Variants in GGH observed in about 807,000 individuals in gnomAD.
GGH encodes the protein gamma-Glu-X carboxypeptidase.
Under a neutral mutation model 39.2 loss-of-function variants are expected in GGH, and 18 were observed. The observed-to-expected ratio is 0.46, with a 90% CI of 0.32 to 0.68. The LOEUF is 0.68. GGH is among the 30% of genes least tolerant of loss of function. The pLI, the probability that GGH is intolerant of heterozygous loss-of-function variation, is 0.04. For synonymous variants in GGH, 147 were observed against 138.8 expected, an observed-to-expected ratio of 1.06 and a Z score of -0.42; for missense variants, 367 against 384.1, an observed-to-expected ratio of 0.96 and a Z score of 0.37.
At chr8:63,035,627 A>T (rs200110426) in intron 2 of GGH, 29 bp downstream of exon 2, 7 of 81,102 alleles carry the variant, frequency 8.6e-5, no homozygotes, top group East Asian at 2.5e-3. Flanking sequence ...TATACAGAGT[A>T]AAAAAAAAAA....
intron 1 of GGH, 47 bp downstream of exon 1, chr8:63,038,613 A>G: frequency 1.0e-6 from 1 of 975,674 alleles, no homozygotes; most frequent in South Asian, 2.0e-5. Context: ...CCCAGCGCCA[A>G]CACCCAGCTC....
intron 7 of GGH, chr8:63,023,438 C>A (rs1409353609): frequency 6.6e-6 from 1 of 152,666 alleles, no homozygotes; most frequent in Non-Finnish European, 1.5e-5. Flanking sequence ...TATAGAGAGT[C>A]CTGACTTTGT....
chr8:63,026,532 TA>T (rs1804686801), intron 4 of GGH, among the ~76,000 whole-genome samples: 1 of 152,214 alleles, frequency 6.6e-6, no homozygotes, highest in Non-Finnish European at 1.5e-5. Context: ...TATAAAAGCC[TA>T]TAGATTACTG....
intron 7 of GGH, among the ~76,000 whole-genome samples, chr8:63,018,739 T>C (rs1008425734): frequency 3.3e-5 from 5 of 152,200 alleles, no homozygotes; most frequent in South Asian, 2.1e-4. Context: ...ATAGAGTTAA[T>C]TGAAAGGCAG....
chr8:63,015,552 G>T, intron 8 of GGH, 99 bp from the exon 9 acceptor site: 1 of 634,568 alleles, frequency 1.6e-6, no homozygotes. Flanking sequence ...TATTAAGTGG[G>T]AAAATATCAA....
chr8:63,027,203 A>AT lies in GGH; in HGVS notation c.337dup (p.Ile113AsnfsTer4). On this transcript the variant is annotated frameshift_variant, in exon 4 of 9. Coordinates refer to ENST00000260118, the MANE Select transcript of GGH (RefSeq NM_003878.3). LOFTEE classifies it high-confidence loss of function. ...TACCTGTATGGACAAGTTATAAAAT[A>AT]TTTTGGCCACTTTAGCATAATCTGA... 2 of 1,530,598 alleles carry AT rather than the reference A, an allele frequency of 1.3e-6. No individual in the cohort carries two copies. The highest frequency in any genetic ancestry group is 1.8e-6 in the Non-Finnish European group (2 of 1,104,134). The allele number at this position is 1,530,598 out of a possible 1,614,324, so 94.8% of individuals were successfully genotyped here.
At chr8:63,025,216 G>A (rs1233019997) in intron 5 of GGH, 5 of 152,140 alleles carry the variant, frequency 3.3e-5, no homozygotes, top group Non-Finnish European at 7.3e-5. Context: ...TGCTAATGTG[G>A]TAATTCAAGG....
intron 7 of GGH, among the ~76,000 whole-genome samples, chr8:63,020,336 C>T (rs951771409): frequency 1.3e-5 from 2 of 152,142 alleles, no homozygotes; most frequent in Non-Finnish European, 2.9e-5. Context: ...CAACATGGAA[C>T]CTGATTTCCT....
intron 2 of GGH, 105 bp downstream of exon 2, chr8:63,035,551 C>T (rs1254532072): frequency 9.6e-6 from 14 of 1,455,034 alleles, no homozygotes; most frequent in South Asian, 9.0e-5. Flanking sequence ...GTAGTCCACC[C>T]GCCTTGGCCT....
Position 63,026,246 on chromosome 8 carries a change from A to T in GGH, c.411T>A (p.Phe137Leu). The change falls in exon 5 of 9, where the codon TTT becomes TTA. Residue 137 changes from phenylalanine (F) to leucine (L), a missense_variant. Physicochemically the swap from Phe to Leu is conservative, Grantham distance 22. Transcript: ENST00000260118. ...CACTAATCAGCAGTGAAAGCTCTTC[A>T]AATCCAAGGCATGTGCCCCACACAG... ...YFPVWGTCLG[F>L]EELSLLISGE... 1 of 1,611,120 alleles carries T rather than the reference A, an allele frequency of 6.2e-7. No homozygotes were observed. Among genetic ancestry groups the T allele is most frequent in the Non-Finnish European group, 8.5e-7 (1 of 1,177,894 alleles).
In GGH at chr8:63,026,314, G is replaced by A. The variant is rs2129657774; in HGVS notation, c.361-18C>T. ...TCAAAACTCTTTGCAAGTGGAAAAA[G>A]AGAAAACTAAGTTTATTCAAACTTT... On this transcript the variant is annotated intron_variant, in intron 4 of 8. Transcript: ENST00000260118. The A allele has an allele frequency of 6.3e-7, 1 of 1,581,832 alleles. No individual in the cohort carries two copies. The highest frequency in any genetic ancestry group is 8.6e-7 in the Non-Finnish European group (1 of 1,164,584).
intron 2 of GGH, among the ~76,000 whole-genome samples, chr8:63,033,999 A>ATATATATG (rs1585674098): frequency 7.1e-6 from 1 of 141,588 alleles, no homozygotes; most frequent in Non-Finnish European, 1.5e-5. Flanking sequence ...ATATATATAT[A>ATATATATG]TGTCTCTCCT....
chr8:63,038,772 G>T lies in GGH; in HGVS notation c.-4C>A. ...GCAGGCAGCCCGGACTGGCCATGGC[G>T]CTCGCCGCCTCCCGCCGCCTTTCAA... On this transcript the variant is annotated 5_prime_UTR_variant, in exon 1 of 9. Coordinates refer to ENST00000260118, the MANE Select transcript of GGH (RefSeq NM_003878.3). The T allele has an allele frequency of 2.0e-6, 3 of 1,514,982 alleles. No homozygotes were observed. The highest frequency in any genetic ancestry group is 8.8e-7 in the Non-Finnish European group (1 of 1,131,332). The allele number at this position is 1,514,982 out of a possible 1,614,324, so 93.8% of individuals were successfully genotyped here.
At chr8:63,018,326 A>G (rs1014101262) in intron 7 of GGH, among the ~76,000 whole-genome samples, 3 of 152,156 alleles carry the variant, frequency 2.0e-5, no homozygotes, top group Admixed American at 6.5e-5. Flanking sequence ...AAAAATGTAC[A>G]TATTTGTCTC....
intron 2 of GGH, among the ~76,000 whole-genome samples, chr8:63,033,794 G>A (rs900914567): frequency 1.3e-5 from 2 of 151,566 alleles, no homozygotes; most frequent in Admixed American, 6.6e-5. Context: ...TCTAGTAGCC[G>A]CCAGCATCTA....
In GGH at chr8:63,017,638, A is replaced by C. The variant is rs373288751; in HGVS notation, c.698-8T>G. 1.3e-6 allele frequency: 2 copies of C among 1,541,790 alleles called. No homozygotes were observed. The highest frequency in any genetic ancestry group is 1.8e-6 in the Non-Finnish European group (2 of 1,130,842). On this transcript the variant is annotated splice_region_variant and splice_polypyrimidine_tract_variant and intron_variant, in intron 7 of 8. Coordinates refer to ENST00000260118, the MANE Select transcript of GGH (RefSeq NM_003878.3). ...ATACTGGATACTTATATCCTGTAAG[A>C]AGAACACAAATTAGTAAGTACTAAG...
At chr8:63,038,553 G>A (rs1804954410) in intron 1 of GGH, 107 bp downstream of exon 1, 1 of 544,788 alleles carries the variant, frequency 1.8e-6, no homozygotes, top group Admixed American at 3.6e-5. Flanking sequence ...AGCACATCTG[G>A]GGGTTTTTCC....
chr8:63,023,075 G>C (rs1206786450), intron 7 of GGH, among the ~76,000 whole-genome samples: 1 of 152,044 alleles, frequency 6.6e-6, no homozygotes, highest in Non-Finnish European at 1.5e-5. Flanking sequence ...TTCATATGTT[G>C]AAATTCCTTG....
At chr8:63,027,576 G>C (rs1228552710) in intron 3 of GGH, among the ~76,000 whole-genome samples, 5 of 152,202 alleles carry the variant, frequency 3.3e-5, no homozygotes. Flanking sequence ...CACAGAGCTA[G>C]ACATCAAAGA....
Sources: gnomAD v4.1 joint callset for allele counts (sites outside exome capture counted in the v4.1 genomes callset) on GRCh38, gnomAD v4.1.1 for gene constraint, MANE v1.5 for transcripts, NCBI Gene and HGNC (gene_info 2026-07-23, HGNC 2026-07-21) for gene names.